TEX36: variants seen among roughly 807,000 people sequenced by gnomAD.
The protein encoded by TEX36 is testis expressed 36.
TEX36 carries 12 observed loss-of-function variants against 13.6 expected under a neutral mutation model. The observed-to-expected ratio is 0.88, with a 90% confidence interval of 0.56 to 1.43. The LOEUF is 1.43. Among genes scored for constraint, TEX36 ranks in the 40% most tolerant of loss-of-function variants. The probability of loss-of-function intolerance (pLI) is 0.00; values close to 1 mark genes in which losing one functional copy is unlikely to be tolerated. For missense variants in TEX36, 224 were observed against 228.3 expected, an observed-to-expected ratio of 0.98 and a Z score of 0.12; for synonymous variants, 93 against 83.0, an observed-to-expected ratio of 1.12 and a Z score of -0.65.
chr10:125,617,195 G>A (rs1846371588), downstream of TEX36, among the ~76,000 whole-genome samples: 1 of 151,572 alleles, frequency 6.6e-6, no homozygotes, highest in African/African-American at 2.4e-5. Context: ...CACGTGAGAT[G>A]GGTTTCCTGA....
At chr10:125,664,510 G>T (rs562907487) in intron 1 of TEX36, among the ~76,000 whole-genome samples, 3 of 152,140 alleles carry the variant, frequency 2.0e-5, no homozygotes, top group Non-Finnish European at 4.4e-5. Context: ...CAGAAGAGGC[G>T]CCTGGTGGGA....
intron 3 of TEX36, among the ~76,000 whole-genome samples, chr10:125,648,034 C>T (rs11244594): frequency 0.094 from 14,295 of 152,268 alleles, 1,070 homozygotes; most frequent in East Asian, 0.34. Flanking sequence ...CCCACCACAG[C>T]TCAAGGAGGC....
chr10:125,682,149 G>A (rs1475475198), intron 1 of TEX36, among the ~76,000 whole-genome samples: 1 of 151,930 alleles, frequency 6.6e-6, no homozygotes, highest in Non-Finnish European at 1.5e-5. Flanking sequence ...AATCAGAAAT[G>A]GGAAAGGCTT....
At chr10:125,617,348 T>C (rs1185728009), downstream of TEX36, among the ~76,000 whole-genome samples, 2 of 152,236 alleles carry the variant, frequency 1.3e-5, no homozygotes, top group Non-Finnish European at 2.9e-5. Flanking sequence ...GCTGGTTATT[T>C]TGCTCGTCTG....
intron 3 of TEX36, among the ~76,000 whole-genome samples, chr10:125,650,214 A>C (rs1846831944): frequency 6.6e-6 from 1 of 152,166 alleles, no homozygotes; most frequent in Non-Finnish European, 1.5e-5. Flanking sequence ...GCACCACATA[A>C]CACTTACTGC....
intron 1 of TEX36, among the ~76,000 whole-genome samples, chr10:125,680,466 T>C (rs567688400): frequency 2.6e-5 from 4 of 152,300 alleles, no homozygotes; most frequent in African/African-American, 9.6e-5. Context: ...AACCGTGAAA[T>C]ACAGCTTTTT....
intron 3 of TEX36, among the ~76,000 whole-genome samples, chr10:125,588,449 C>T (rs537292423): frequency 1.4e-3 from 220 of 152,298 alleles, no homozygotes; most frequent in African/African-American, 5.0e-3. Context: ...TCTGCAGGCT[C>T]TACAGGAAGC....
rs927956 is a variant in TEX36, at chr10:125,602,353, A to T, written c.265-25479T>A. ...AGCCATAGATGGGAAAGCGCTTTTCATCTATTAAAAAAATTCTCAGCTCTC... is the reference window on the plus strand; with the variant it reads ...AGCCATAGATGGGAAAGCGCTTTTCTTCTATTAAAAAAATTCTCAGCTCTC... On this transcript the variant is annotated intron_variant, in intron 3 of 3. Transcript: ENST00000532135. Among the ~76,000 whole-genome samples, 1,319 of 152,188 alleles carry T rather than the reference A, an allele frequency of 8.7e-3. 20 individuals carry two copies. Among genetic ancestry groups the T allele is most frequent in the African/African-American group, 0.03 (1,256 of 41,526 alleles).
At chr10:125,615,029 A>T (rs924232184) in intron 3 of TEX36, among the ~76,000 whole-genome samples, 13 of 152,058 alleles carry the variant, frequency 8.5e-5, no homozygotes, top group Non-Finnish European at 1.8e-4. Context: ...TAGGTGTTTT[A>T]TTCTCTTTGA....
At chr10:125,669,941 A>G (rs1847195973) in intron 1 of TEX36, among the ~76,000 whole-genome samples, 1 of 152,202 alleles carries the variant, frequency 6.6e-6, no homozygotes, top group African/African-American at 2.4e-5. Flanking sequence ...ATTCCTTTTT[A>G]TGGCTGCATA....
At chr10:125,614,589 T>C (rs1846333698) in intron 3 of TEX36, among the ~76,000 whole-genome samples, 1 of 152,152 alleles carries the variant, frequency 6.6e-6, no homozygotes, top group Admixed American at 6.5e-5. Flanking sequence ...ATCAGATAGT[T>C]GTAGATATGC....
chr10:125,599,239 C>T (rs1206553888), intron 3 of TEX36, among the ~76,000 whole-genome samples: 1 of 152,226 alleles, frequency 6.6e-6, no homozygotes, highest in African/African-American at 2.4e-5. Flanking sequence ...AAGAAGTCCA[C>T]ATTGTTGCCC....
chr10:125,596,998 C>G (rs1032374555), intron 3 of TEX36, among the ~76,000 whole-genome samples: 6 of 152,178 alleles, frequency 3.9e-5, no homozygotes, highest in Non-Finnish European at 7.3e-5. Flanking sequence ...ACATGAGATG[C>G]CCTTTGCAAC....
chr10:125,668,097 G>C, intron 1 of TEX36: 1 of 588,108 alleles, frequency 1.7e-6, no homozygotes, highest in South Asian at 2.3e-5. Flanking sequence ...TGTGGTTGGG[G>C]CACCTCTGCA....
intron 1 of TEX36, among the ~76,000 whole-genome samples, chr10:125,669,362 C>T (rs923669187): frequency 2.6e-5 from 4 of 151,956 alleles, no homozygotes; most frequent in African/African-American, 9.7e-5. Flanking sequence ...CACCTGTAAT[C>T]CCAGCTACTC....
At chr10:125,622,493 C>T (rs1213978721) in intron 3 of TEX36, among the ~76,000 whole-genome samples, 14 of 152,228 alleles carry the variant, frequency 9.2e-5, no homozygotes, top group Admixed American at 8.5e-4. Flanking sequence ...TCTGTACTCC[C>T]TTTGCCTTCA....
intron 1 of TEX36, among the ~76,000 whole-genome samples, chr10:125,673,028 G>T (rs917486064): frequency 6.6e-6 from 1 of 152,040 alleles, no homozygotes; most frequent in Non-Finnish European, 1.5e-5. Context: ...GTCTTTGCAC[G>T]TGAGATGGGT....
chr10:125,604,892 C>T (rs1278417552), intron 3 of TEX36, among the ~76,000 whole-genome samples: 2 of 151,566 alleles, frequency 1.3e-5, no homozygotes, highest in African/African-American at 4.8e-5. Flanking sequence ...TATCTAGTTG[C>T]AGGAAAATAA....
intron 1 of TEX36, among the ~76,000 whole-genome samples, chr10:125,678,079 A>T (rs1227106855): frequency 6.6e-6 from 1 of 152,000 alleles, no homozygotes; most frequent in African/African-American, 2.4e-5. Flanking sequence ...TTGGAAGTGT[A>T]TTTCCTTGCT....
Sources: allele counts gnomAD v4.1 joint callset (sites outside exome capture counted in the v4.1 genomes callset), GRCh38; gene constraint gnomAD v4.1.1; transcripts MANE v1.5; gene names NCBI Gene and HGNC (gene_info 2026-07-23, HGNC 2026-07-21).